Variants in A2ML1 observed in about 807,000 individuals in gnomAD.
A2ML1 encodes the protein alpha-2-macroglobulin-like protein 1.
A neutral mutation model predicts 181.9 loss-of-function variants in A2ML1; 161 were observed. The ratio of observed to expected loss-of-function variants is 0.89; its 90% confidence interval spans 0.78 to 1.01. A2ML1 has a LOEUF of 1.01. Among genes scored for constraint, A2ML1 ranks in the 50% least tolerant of loss-of-function variants. The pLI, the probability that A2ML1 is intolerant of heterozygous loss-of-function variation, is 0.00. For missense variants in A2ML1, 1,670 were observed against 1,768.1 expected, an observed-to-expected ratio of 0.94 and a Z score of 1.00; for synonymous variants, 663 against 666.8, an observed-to-expected ratio of 0.99 and a Z score of 0.09.
intron 29 of A2ML1, among the ~76,000 whole-genome samples, chr12:8,867,337 A>T (rs1944454485): frequency 6.6e-6 from 1 of 152,164 alleles, no homozygotes; most frequent in Non-Finnish European, 1.5e-5. Flanking sequence ...TACCTTGTTG[A>T]TGGTGATTTT....
At chr12:8,836,059 C>T (rs756995314) in intron 6 of A2ML1, among the ~76,000 whole-genome samples, 196 bp from the exon 7 acceptor site, 10 of 150,326 alleles carry the variant, frequency 6.7e-5, no homozygotes, top group Non-Finnish European at 1.5e-4. Flanking sequence ...GTAAAATGTA[C>T]TCTGGGAAAG....
In A2ML1 at chr12:8,839,199, C is replaced by T. The variant is rs1943386349; in HGVS notation, c.1057C>T (p.Pro353Ser). The change falls in exon 10 of 36, where the codon CCA becomes TCA. Residue 353 changes from proline (P) to serine (S), a missense_variant. Coordinates refer to ENST00000299698, the MANE Select transcript of A2ML1 (RefSeq NM_144670.6). ...TFEDTSNFYH[P>S]NFPFSGKIRV... ...TGAAGACACCAGCAATTTTTACCAT[C>T]CAAATTTCCCCTTCAGTGGGAAGGT... is the stretch of plus-strand genomic sequence containing the variant. 1.2e-6 allele frequency: 2 copies of T among 1,613,138 alleles called. No homozygotes were observed. Among genetic ancestry groups the T allele is most frequent in the Admixed American group, 3.3e-5 (2 of 59,942 alleles).
intron 3 of A2ML1, among the ~76,000 whole-genome samples, chr12:8,824,737 C>A (rs1380622908): frequency 6.9e-6 from 1 of 144,120 alleles, no homozygotes; most frequent in Non-Finnish European, 1.5e-5. Context: ...TTCCTTTTAC[C>A]TTATTTTTTT....
At chr12:8,870,598 G>A (rs1022579195) in intron 33 of A2ML1, among the ~76,000 whole-genome samples, 6 of 152,226 alleles carry the variant, frequency 3.9e-5, no homozygotes, top group South Asian at 2.1e-4. Flanking sequence ...GAGACAGCTC[G>A]GGTTAGCTTA....
At chr12:8,850,079 C>T (rs1943836048) in intron 17 of A2ML1, 81 bp from the exon 18 acceptor site, 6 of 1,103,762 alleles carry the variant, frequency 5.4e-6, no homozygotes, top group Non-Finnish European at 7.8e-6. Context: ...AAATTTCTTT[C>T]TAGTAATCCC....
chr12:8,869,085 A>T, intron 32 of A2ML1, 50 bp from the exon 33 acceptor site: 1 of 1,579,108 alleles, frequency 6.3e-7, no homozygotes, highest in South Asian at 1.1e-5. Flanking sequence ...AGACTACCCC[A>T]GGGAAGGCTC....
In A2ML1 at chr12:8,835,326, T is replaced by C. The variant is rs73037001; in HGVS notation, c.484-181T>C. ...GGCTGGATCTATAGAAATATTTACC[T>C]CATTCCGCCATAAAGAAAGTTATAA... On this transcript the variant is annotated intron_variant, in intron 5 of 35. Coordinates refer to ENST00000299698, the MANE Select transcript of A2ML1 (RefSeq NM_144670.6). Among the ~76,000 whole-genome samples, 995 of 152,284 alleles carry C rather than the reference T, an allele frequency of 6.5e-3. 2 individuals carry two copies. Among genetic ancestry groups the C allele is most frequent in the Non-Finnish European group, 8.0e-3 (546 of 68,014 alleles).
chr12:8,880,193 G>T (rs930367163), downstream of A2ML1, among the ~76,000 whole-genome samples: 54 of 129,906 alleles, frequency 4.2e-4, no homozygotes, highest in African/African-American at 1.5e-3. Context: ...GTGAAACCTC[G>T]TCTGTAGTAA....
intron 9 of A2ML1, among the ~76,000 whole-genome samples, 189 bp downstream of exon 9, chr12:8,838,639 A>G (rs1474201062): frequency 1.3e-5 from 2 of 152,126 alleles, no homozygotes; most frequent in African/African-American, 4.8e-5. Flanking sequence ...CGGGCCGGGC[A>G]TGGTGGCTCA....
At chr12:8,870,488 C>T (rs1376477298) in intron 33 of A2ML1, among the ~76,000 whole-genome samples, 7 of 152,136 alleles carry the variant, frequency 4.6e-5, no homozygotes, top group Admixed American at 1.3e-4. Flanking sequence ...AGGATGGTCT[C>T]GATCTCCTGA....
At position 8,863,971 on chromosome 12, in the gene A2ML1, A is replaced by T; in HGVS notation, c.3680A>T (p.Lys1227Met). The stretch of plus-strand genomic sequence containing the variant: ...ACTAGCATAGTGGCTTGGTTGGCCA[A>T]GCAACACAATGCATATGGGGGCTTC... Reference protein sequence around the residue: ...KATSIVAWLAKQHNAYGGFSS... With the variant: ...KATSIVAWLAMQHNAYGGFSS... The change falls in exon 29 of 36, where the codon AAG becomes ATG. Residue 1227 changes from lysine to methionine, a missense_variant. Transcript: ENST00000299698. 6.2e-7 allele frequency: 1 copy of T among 1,613,122 alleles called. No individual in the cohort carries two copies. Among genetic ancestry groups the T allele is most frequent in the Non-Finnish European group, 8.5e-7 (1 of 1,179,978 alleles).
chr12:8,872,372 A>G (rs908681491), intron 33 of A2ML1, among the ~76,000 whole-genome samples: 1 of 152,090 alleles, frequency 6.6e-6, no homozygotes, highest in African/African-American at 2.4e-5. Flanking sequence ...GGTTTTAACT[A>G]TTGGTCTTTA....
At chr12:8,829,297 A>C (rs1466530978) in intron 3 of A2ML1, among the ~76,000 whole-genome samples, 1 of 152,158 alleles carries the variant, frequency 6.6e-6, no homozygotes, top group Non-Finnish European at 1.5e-5. Flanking sequence ...CAGGTTTTGT[A>C]AAAAAGTAAA....
chr12:8,874,458 A>G lies in A2ML1; in HGVS notation c.4255A>G (p.Ile1419Val), dbSNP rs1944735019. The change falls in exon 34 of 36, where the codon ATC becomes GTC. Residue 1419 changes from isoleucine (I) to valine (V), a missense_variant. Physicochemically the swap from Ile to Val is conservative, Grantham distance 29. Transcript: ENST00000299698. ...GAACACTCAGACTTACACCTTCACC[A>G]TCAGCCAAAGTGTGCTGGTCACCAA... is the stretch of plus-strand genomic sequence containing the variant. ...IKNTQTYTFT[I>V]SQSVLVTNLK... is the part of the protein sequence containing the mutation. The G allele has an allele frequency of 1.2e-6, 2 of 1,613,928 alleles. No homozygotes were observed. Among genetic ancestry groups the G allele is most frequent in the African/African-American group, 1.3e-5 (1 of 74,908 alleles).
chr12:8,828,332 C>T (rs910698096), intron 3 of A2ML1, among the ~76,000 whole-genome samples: 4 of 152,130 alleles, frequency 2.6e-5, no homozygotes, highest in African/African-American at 9.7e-5. Flanking sequence ...AAAGTCCTTC[C>T]CACTCTTCCT....
intron 28 of A2ML1, among the ~76,000 whole-genome samples, chr12:8,862,763 G>A (rs2110078): frequency 0.94 from 142,879 of 152,136 alleles, 67,744 homozygotes; most frequent in East Asian, 1. Context: ...GTTCCACCGT[G>A]TATTGGTTTA....
Position 8,862,110 on chromosome 12 carries a change from G to A in A2ML1, c.3502+813G>A, listed in dbSNP as rs76320094. On this transcript the variant is annotated intron_variant, in intron 28 of 35. Coordinates refer to ENST00000299698, the MANE Select transcript of A2ML1 (RefSeq NM_144670.6). The stretch of plus-strand genomic sequence containing the variant: ...AGAAACTACATTGAAGAAGCTAGTC[G>A]GAAAATATATTGGCATTGTGGAATC... Among the ~76,000 whole-genome samples, 10,088 of 152,156 alleles carry A rather than the reference G, an allele frequency of 0.066. 442 individuals carry two copies. Among genetic ancestry groups the A allele is most frequent in the Non-Finnish European group, 0.087 (5,916 of 67,994 alleles).
chr12:8,841,415 T>A lies in A2ML1; in HGVS notation c.1127T>A (p.Val376Glu), dbSNP rs1565471554. The A allele has an allele frequency of 6.2e-7, 1 of 1,614,172 alleles. No individual in the cohort carries two copies. The highest frequency in any genetic ancestry group is 8.5e-7 in the Non-Finnish European group (1 of 1,180,042). Residue 376 changes from valine to glutamate, a missense_variant, in exon 11 of 36, where the codon GTG (valine) becomes GAG (glutamate). Val to Glu is a moderately radical substitution (Grantham distance 121). Transcript: ENST00000299698. Reference protein sequence around the residue: ...HDDSFLKNHLVFLVIYGTNGT... With the variant: ...HDDSFLKNHLEFLVIYGTNGT... ...GACTCCTTCCTCAAGAACCATCTAG[T>A]GTTTCTGGTGATTTATGGCACAAAT...
chr12:8,824,385 AT>A lies in A2ML1; in HGVS notation c.409+506del, dbSNP rs374324077. 1.7e-3 allele frequency among the ~76,000 whole-genome samples: 255 copies of A among 151,602 alleles called. 4 individuals are homozygous for A. The South Asian group carries it at 0.024, about 14-fold the overall frequency. ...GTGGGTACATAGCTGGTGTATATATATTTATGGGGTAGATGAGATATTTTTA... is the reference window on the plus strand; with the variant it reads ...GTGGGTACATAGCTGGTGTATATATATTATGGGGTAGATGAGATATTTTTA... On this transcript the variant is annotated intron_variant, in intron 3 of 35. Transcript: ENST00000299698.
Sources: gnomAD v4.1 joint callset for allele counts (sites outside exome capture counted in the v4.1 genomes callset) on GRCh38, gnomAD v4.1.1 for gene constraint, MANE v1.5 for transcripts, NCBI Gene and HGNC (gene_info 2026-07-23, HGNC 2026-07-21) for gene names.